The following PPARGC1A variants were observed in gnomAD, a reference collection of about 807,000 sequenced individuals.
PPARGC1A encodes PPARG coactivator 1 alpha.
In PPARGC1A, 25 loss-of-function variants were observed where a neutral mutation model predicts 88.7. The ratio of observed to expected loss-of-function variants is 0.28; its 90% CI spans 0.21 to 0.39. The LOEUF is 0.39. Among genes scored for constraint, PPARGC1A ranks in the 10% least tolerant of loss-of-function variants. The pLI is 1.00. For missense variants in PPARGC1A, 880 were observed against 968.7 expected (o/e 0.91, Z 1.22); for synonymous variants, 363 against 355.6 (o/e 1.02, Z -0.24).
the PPARGC1A span, among the ~76,000 whole-genome samples, chr4:24,113,534 C>G: frequency 2.0e-4 from 30 of 152,208 alleles, no homozygotes; most frequent in African/African-American, 7.2e-4. Context: ...AGTAGGGATC[C>G]CTCTTCATGC....
chr4:24,066,849 G>GTTTTTTTTTTTTTTTTTTTTTTTTGGT, the PPARGC1A span, among the ~76,000 whole-genome samples: 1 of 100,880 alleles, frequency 9.9e-6, no homozygotes, highest in Non-Finnish European at 1.9e-5. Flanking sequence ...TTTGTTTTGG[G>GTTTTTTTTTTTTTTTTTTTTTTTTGGT]TTTTTTTTTT....
the PPARGC1A span, among the ~76,000 whole-genome samples, chr4:24,429,634 G>A: frequency 6.6e-5 from 10 of 151,538 alleles, no homozygotes; most frequent in African/African-American, 2.4e-4. Context: ...GCAGAGCCAT[G>A]TGCAGGGACA....
the PPARGC1A span, among the ~76,000 whole-genome samples, chr4:24,173,568 T>C: frequency 6.6e-6 from 1 of 152,098 alleles, no homozygotes; most frequent in African/African-American, 2.4e-5. Flanking sequence ...GTCAAGGAGA[T>C]AGTGCCTGGG....
the PPARGC1A span, among the ~76,000 whole-genome samples, chr4:24,445,840 G>A: frequency 6.6e-6 from 1 of 152,140 alleles, no homozygotes; most frequent in African/African-American, 2.4e-5. Flanking sequence ...GGCTGAGGCG[G>A]GCGGATCGCT....
chr4:24,049,896 G>A, the PPARGC1A span, among the ~76,000 whole-genome samples: 2 of 152,002 alleles, frequency 1.3e-5, no homozygotes, highest in African/African-American at 4.8e-5. Flanking sequence ...GCTGAGAAGG[G>A]GAAAAGCACA....
the PPARGC1A span, among the ~76,000 whole-genome samples, chr4:24,035,106 C>T: frequency 6.6e-6 from 1 of 152,104 alleles, no homozygotes; most frequent in Non-Finnish European, 1.5e-5. Flanking sequence ...TACATGATAT[C>T]CGGGAGATAG....
chr4:24,390,432 A>G, the PPARGC1A span, among the ~76,000 whole-genome samples: 3 of 152,032 alleles, frequency 2.0e-5, no homozygotes, highest in Admixed American at 6.6e-5. Flanking sequence ...TATTGTGGAA[A>G]ATTATGAAAA....
the PPARGC1A span, among the ~76,000 whole-genome samples, chr4:24,005,210 C>T: frequency 2.6e-5 from 4 of 151,860 alleles, no homozygotes; most frequent in African/African-American, 9.7e-5. Flanking sequence ...TAAGAGAATG[C>T]ATATTTATAT....
the PPARGC1A span, among the ~76,000 whole-genome samples, chr4:24,175,272 T>C: frequency 2.0e-5 from 3 of 151,828 alleles, no homozygotes; most frequent in Non-Finnish European, 2.9e-5. Flanking sequence ...TGATGGCCCA[T>C]CCCTGTTATC....
intron 1 of PPARGC1A, among the ~76,000 whole-genome samples, chr4:23,899,044 G>T (rs1161221371): frequency 6.9e-6 from 1 of 145,380 alleles, no homozygotes; most frequent in Admixed American, 6.8e-5. Context: ...GTTTCACCAT[G>T]TTGGTCAGGC....
At chr4:24,182,086 C>T in the PPARGC1A span, among the ~76,000 whole-genome samples, 16 of 152,160 alleles carry the variant, frequency 1.1e-4, no homozygotes, top group African/African-American at 3.6e-4. Flanking sequence ...CACCTATCAT[C>T]CCGTCATATA....
chr4:24,043,861 T>A, the PPARGC1A span, among the ~76,000 whole-genome samples: 1 of 152,190 alleles, frequency 6.6e-6, no homozygotes, highest in Admixed American at 6.5e-5. Context: ...TTGTTTATTT[T>A]TTTTGTCCTC....
the PPARGC1A span, among the ~76,000 whole-genome samples, chr4:24,174,101 T>C: frequency 6.6e-6 from 1 of 152,208 alleles, no homozygotes; most frequent in Non-Finnish European, 1.5e-5. Context: ...AGAGGACACA[T>C]CTGCACCTCA....
At chr4:23,833,319 G>T (rs1434585332) in intron 2 of PPARGC1A, among the ~76,000 whole-genome samples, 1 of 152,166 alleles carries the variant, frequency 6.6e-6, no homozygotes, top group Non-Finnish European at 1.5e-5. Flanking sequence ...TCATTGATCT[G>T]CATTTATTGC....
the PPARGC1A span, among the ~76,000 whole-genome samples, chr4:24,248,756 C>T: frequency 3.9e-5 from 6 of 152,106 alleles, no homozygotes; most frequent in African/African-American, 1.2e-4. Flanking sequence ...TGAAATGCAG[C>T]TTAGCAGGGG....
chr4:23,824,160 C>T, intron 7 of PPARGC1A, 120 bp downstream of exon 7: 4 of 790,040 alleles, frequency 5.1e-6, no homozygotes, highest in South Asian at 4.1e-5. Context: ...ACTTCTTATC[C>T]AATTTTGTAT....
At chr4:24,190,969 A>G in the PPARGC1A span, among the ~76,000 whole-genome samples, 1 of 152,280 alleles carries the variant, frequency 6.6e-6, no homozygotes, top group Non-Finnish European at 1.5e-5. Flanking sequence ...GCCCTCTTCC[A>G]TAAAATAGGG....
chr4:24,035,020 T>C, the PPARGC1A span, among the ~76,000 whole-genome samples: 1 of 152,292 alleles, frequency 6.6e-6, no homozygotes, highest in Admixed American at 6.5e-5. Context: ...CCTCCTCTTT[T>C]TTCAGATTGT....
chr4:24,027,227 C>CTGTG, the PPARGC1A span, among the ~76,000 whole-genome samples: 3 of 132,722 alleles, frequency 2.3e-5, no homozygotes, highest in Non-Finnish European at 3.2e-5. Context: ...GTCTGTGTGT[C>CTGTG]TGTGTGTGTC....
Sources: allele counts gnomAD v4.1 joint callset (sites outside exome capture counted in the v4.1 genomes callset), GRCh38; gene constraint gnomAD v4.1.1; transcripts MANE v1.5; gene names NCBI Gene and HGNC (gene_info 2026-07-23, HGNC 2026-07-21).